The following LY75 variants were observed in gnomAD, a reference collection of about 807,000 sequenced individuals.
LY75 encodes lymphocyte antigen 75, also known as C-type lectin domain family 13 member B.
LY75 carries 185 observed loss-of-function variants against 231.7 expected under a neutral mutation model. The ratio of observed to expected loss-of-function variants is 0.80; its 90% CI spans 0.71 to 0.90. The LOEUF (loss-of-function observed/expected upper bound fraction) is 0.90, where lower values mean the gene tolerates loss of function less well. LY75 is among the 40% of genes least tolerant of loss of function. LY75 has a pLI of 0.00. For missense variants in LY75, 1,947 were observed against 2,050.2 expected, an observed-to-expected ratio of 0.95 and a Z score of 0.97; for synonymous variants, 668 against 689.0, an observed-to-expected ratio of 0.97 and a Z score of 0.48.
At chr2:159,853,607 G>A in intron 19 of LY75, 23 bp downstream of exon 19, 1 of 1,612,960 alleles carries the variant, frequency 6.2e-7, no homozygotes, top group Non-Finnish European at 8.5e-7. Flanking sequence ...CTTTACAAAG[G>A]TAGAATCAAT....
chr2:159,816,678 C>T, intron 30 of LY75, 128 bp downstream of exon 30: 1 of 1,343,072 alleles, frequency 7.4e-7, no homozygotes, highest in Non-Finnish European at 1.0e-6. Context: ...TAAGAAAGCA[C>T]CATGCTATGC....
chr2:159,830,727 A>G (rs1406449924), intron 28 of LY75, among the ~76,000 whole-genome samples: 2 of 151,794 alleles, frequency 1.3e-5, no homozygotes, highest in Non-Finnish European at 2.9e-5. Context: ...GTAACTAGGC[A>G]CACGTCACCA....
At chr2:159,818,816 AAG>A (rs77289208) in intron 29 of LY75, among the ~76,000 whole-genome samples, 47,891 of 151,912 alleles carry the variant, frequency 0.32, 9,224 homozygotes, top group Admixed American at 0.48. Flanking sequence ...AAAATAAAGA[AAG>A]AAAGAAATTG....
intron 29 of LY75, among the ~76,000 whole-genome samples, chr2:159,818,529 T>G (rs1353347062): frequency 6.6e-6 from 1 of 152,054 alleles, no homozygotes; most frequent in Non-Finnish European, 1.5e-5. Flanking sequence ...AAGAGGAGCT[T>G]AAGGAGGCAG....
At position 159,898,883 on chromosome 2, in the gene LY75, A is replaced by T. The variant is rs1243608082; in HGVS notation, c.271T>A (p.Ser91Thr). The change falls in exon 2 of 35, where the codon TCG becomes ACG. Residue 91 changes from serine (S) to threonine (T), a missense_variant. Transcript: ENST00000263636. ...CTGAACATTCTCAGCTCATTTACCG[A>T]TTTGGTAATATCGAGGCCAAGGCAC... ...QKCLGLDITKSVNELRMFSCD... is the reference protein window; with the variant it reads ...QKCLGLDITKTVNELRMFSCD... 2 of 1,614,080 alleles carry T rather than the reference A, an allele frequency of 1.2e-6. No individual in the cohort carries two copies. Among genetic ancestry groups the T allele is most frequent in the Admixed American group, 1.7e-5 (1 of 60,016 alleles).
intron 10 of LY75, 62 bp downstream of exon 10, chr2:159,878,571 A>G (rs1026055380): frequency 1.2e-5 from 19 of 1,612,348 alleles, no homozygotes; most frequent in African/African-American, 8.0e-5. Context: ...ACTTAGGAAG[A>G]CTGTTTGGCA....
chr2:159,819,730 T>C lies in LY75; in HGVS notation c.4149A>G (p.Glu1383=), dbSNP rs1683228921. The C allele has an allele frequency of 1.2e-6, 2 of 1,608,806 alleles. No individual in the cohort carries two copies. The highest frequency in any genetic ancestry group is 2.7e-5 in the African/African-American group (2 of 74,534). ...HQHSILACKI[E]MVDYKEEYNT... ...TCTATATTTTACTATACTTACCCATTTCAATTTTACAAGCAAGAATGCTGT... is the reference window on the plus strand; with the variant it reads ...TCTATATTTTACTATACTTACCCATCTCAATTTTACAAGCAAGAATGCTGT... Residue 1383 remains glutamate (E), a synonymous_variant, in exon 29 of 35, where the codon GAA becomes GAG. Transcript: ENST00000263636.
In LY75 at chr2:159,848,068, G is replaced by GTATATATA. The variant is rs557189751; in HGVS notation, c.3150+1904_3150+1911dup. Among the ~76,000 whole-genome samples, 262 of 123,888 alleles carry GTATATATA rather than the reference G, an allele frequency of 2.1e-3. 3 individuals carry two copies. Among genetic ancestry groups the GTATATATA allele is most frequent in the African/African-American group, 6.0e-3 (174 of 29,116 alleles). The allele number at this position is 123,888 out of a possible 152,430, so 81.3% of individuals were successfully genotyped here. On this transcript the variant is annotated intron_variant, in intron 23 of 34. Transcript: ENST00000263636. ...TGAATGGATAAAGAAATTATGGTGT[G>GTATATATA]TATATATATATATATATATATATAT...
At chr2:159,853,394 G>A in intron 19 of LY75, 42 bp from the exon 20 acceptor site, 1 of 1,596,062 alleles carries the variant, frequency 6.3e-7, no homozygotes, top group Non-Finnish European at 8.6e-7. Context: ...AATGTAATTA[G>A]GTGTTCCATT....
intron 13 of LY75, among the ~76,000 whole-genome samples, chr2:159,866,868 G>A (rs868005750): frequency 6.6e-6 from 1 of 152,094 alleles, no homozygotes; most frequent in Non-Finnish European, 1.5e-5. Context: ...CCAGGAAGAC[G>A]ATCAAAGATC....
chr2:159,833,636 TA>T (rs1683731913), intron 27 of LY75, among the ~76,000 whole-genome samples: 1 of 152,234 alleles, frequency 6.6e-6, no homozygotes, highest in Non-Finnish European at 1.5e-5. Context: ...AATATTTTTT[TA>T]ATTAGCAAAA....
chr2:159,861,119 A>G (rs905453567), intron 14 of LY75, among the ~76,000 whole-genome samples: 2 of 152,186 alleles, frequency 1.3e-5, no homozygotes, highest in African/African-American at 4.8e-5. Context: ...GGAAGTTAAT[A>G]GTGTATTAAG....
intron 32 of LY75, among the ~76,000 whole-genome samples, chr2:159,809,300 A>T (rs1380816767): frequency 6.6e-6 from 1 of 152,180 alleles, no homozygotes; most frequent in Non-Finnish European, 1.5e-5. Flanking sequence ...CTATGGATCA[A>T]ATTTGTCACG....
intron 11 of LY75, among the ~76,000 whole-genome samples, chr2:159,876,255 C>T (rs1304221051): frequency 4.6e-5 from 7 of 152,102 alleles, no homozygotes; most frequent in African/African-American, 1.4e-4. Flanking sequence ...GTAACTTGCC[C>T]ACAGTCAGAG....
intron 1 of LY75, among the ~76,000 whole-genome samples, chr2:159,901,002 G>A (rs1365811186): frequency 6.6e-6 from 1 of 151,952 alleles, no homozygotes; most frequent in Non-Finnish European, 1.5e-5. Flanking sequence ...CCACACCCGG[G>A]TAATTTTTGT....
chr2:159,868,300 T>G lies in LY75; in HGVS notation c.2118-3380A>C, dbSNP rs1198199953. 4.6e-5 allele frequency among the ~76,000 whole-genome samples: 7 copies of G among 152,170 alleles called. No individual in the cohort carries two copies. The East Asian group carries it at 1.3e-3, about 29-fold the overall frequency. ...GGAGATTTGTTTTTTCTCTGTGCTGTTCTGTTTTCTAAATTCAATGTGCAT... is the reference window on the plus strand; with the variant it reads ...GGAGATTTGTTTTTTCTCTGTGCTGGTCTGTTTTCTAAATTCAATGTGCAT... On this transcript the variant is annotated intron_variant, in intron 13 of 34. Coordinates refer to ENST00000263636, the MANE Select transcript of LY75 (RefSeq NM_002349.4).
At position 159,825,453 on chromosome 2, in the gene LY75, T is replaced by G. The variant is rs560084092; in HGVS notation, c.3959-5533A>C. ...TAAGCCAATAACAAGTTCTGAAATT[T>G]AGGCAGTAATTAATAGCCTACCAAC... On this transcript the variant is annotated intron_variant, in intron 28 of 34. Coordinates refer to ENST00000263636, the MANE Select transcript of LY75 (RefSeq NM_002349.4). Among the ~76,000 whole-genome samples, 5 of 152,212 alleles carry G rather than the reference T, an allele frequency of 3.3e-5. No individual in the cohort carries two copies. In the East Asian group the frequency reaches 9.7e-4, roughly 29 times the overall value.
intron 1 of LY75, among the ~76,000 whole-genome samples, chr2:159,900,290 C>A (rs1276550783): frequency 6.6e-6 from 1 of 152,162 alleles, no homozygotes; most frequent in Non-Finnish European, 1.5e-5. Flanking sequence ...TTCTTGCACA[C>A]CTGAGTTTGT....
intron 23 of LY75, among the ~76,000 whole-genome samples, chr2:159,845,467 A>G (rs1267458306): frequency 6.6e-6 from 1 of 151,816 alleles, no homozygotes; most frequent in Non-Finnish European, 1.5e-5. Flanking sequence ...TGTATATAAC[A>G]TATCAATACA....
Sources: gnomAD v4.1 joint callset for allele counts (sites outside exome capture counted in the v4.1 genomes callset) on GRCh38, gnomAD v4.1.1 for gene constraint, MANE v1.5 for transcripts, NCBI Gene and HGNC (gene_info 2026-07-23, HGNC 2026-07-21) for gene names.